HP1BP3: variants seen among roughly 807,000 people sequenced by gnomAD.
HP1BP3 encodes heterochromatin protein 1 binding protein 3, also known as heterochromatin protein 1-binding protein 3.
A neutral mutation model predicts 62.5 loss-of-function variants in HP1BP3; 12 were observed. That is an observed-to-expected ratio of 0.19 (90% CI 0.12 to 0.31). The LOEUF (loss-of-function observed/expected upper bound fraction) is 0.31, where lower values mean the gene tolerates loss of function less well. HP1BP3 is among the 10% of genes least tolerant of loss of function. The pLI is 1.00. For missense variants in HP1BP3, 502 were observed against 651.8 expected (o/e 0.77, Z 2.50); for synonymous variants, 260 against 237.8 (o/e 1.09, Z -0.86).
At chr1:20,771,373 A>G (rs651538) in intron 5 of HP1BP3, among the ~76,000 whole-genome samples, 71,469 of 152,020 alleles carry the variant, frequency 0.47, 17,291 homozygotes, top group African/African-American at 0.54. Flanking sequence ...TTAGAAGATG[A>G]ATCTTTGGCA....
chr1:20,758,964 T>G (rs1301390160), intron 8 of HP1BP3, among the ~76,000 whole-genome samples: 1 of 152,064 alleles, frequency 6.6e-6, no homozygotes, highest in African/African-American at 2.4e-5. Flanking sequence ...GGAGAGAGGT[T>G]TTGGTTGGTC....
chr1:20,757,439 T>C (rs1029419370), intron 8 of HP1BP3, among the ~76,000 whole-genome samples, 183 bp from the exon 9 acceptor site: 5 of 151,660 alleles, frequency 3.3e-5, no homozygotes, highest in Admixed American at 3.3e-4. Context: ...TGGCACGATA[T>C]TGGCTCACTG....
chr1:20,767,381 G>C (rs541525717), intron 7 of HP1BP3, among the ~76,000 whole-genome samples: 6 of 152,256 alleles, frequency 3.9e-5, no homozygotes, highest in Non-Finnish European at 8.8e-5. Flanking sequence ...AAGAGCACAG[G>C]CTTAACCAGG....
At position 20,744,930 on chromosome 1, in the gene HP1BP3, C is replaced by G; in HGVS notation, c.1529G>C (p.Arg510Thr). The G allele has an allele frequency of 6.2e-7, 1 of 1,614,130 alleles. No homozygotes were observed. Among genetic ancestry groups the G allele is most frequent in the Non-Finnish European group, 8.5e-7 (1 of 1,180,028 alleles). Residue 510 changes from arginine (R) to threonine (T), a missense_variant, in exon 13 of 13, where the codon AGA (arginine) becomes ACA (threonine). Arg to Thr is a moderately conservative substitution (Grantham distance 71). Coordinates refer to ENST00000438032, the MANE Select transcript of HP1BP3 (RefSeq NM_001372052.1). ...PKAKTPAKKT[R>T]PSSTVIKKPS... Reference sequence around the variant, plus strand: ...TTTCTTGATGACTGTGGATGAGGGTCTGGTCTTCTTGGCAGGCGTTTTGGC... The same window carrying G: ...TTTCTTGATGACTGTGGATGAGGGTGTGGTCTTCTTGGCAGGCGTTTTGGC...
At chr1:20,780,605 T>C (rs2057499366) in intron 1 of HP1BP3, 65 bp from the exon 2 acceptor site, 1 of 590,262 alleles carries the variant, frequency 1.7e-6, no homozygotes, top group African/African-American at 1.9e-5. Flanking sequence ...AACGTCTAAA[T>C]TTAATACACA....
intron 6 of HP1BP3, among the ~76,000 whole-genome samples, chr1:20,770,006 T>C (rs75097490): frequency 0.034 from 5,167 of 152,278 alleles, 167 homozygotes; most frequent in East Asian, 0.12. Context: ...CGTAAGACCT[T>C]AGCAGTTATT....
At chr1:20,779,020 C>A (rs1458359503) in intron 3 of HP1BP3, among the ~76,000 whole-genome samples, 2 of 152,024 alleles carry the variant, frequency 1.3e-5, no homozygotes, top group African/African-American at 4.8e-5. Context: ...GAACTCCTGA[C>A]CTCAGGTGAT....
At chr1:20,774,694 T>G (rs958045613) in intron 4 of HP1BP3, 1 of 151,930 alleles carries the variant, frequency 6.6e-6, no homozygotes, top group South Asian at 2.1e-4. Context: ...TACAAAAATA[T>G]AGCATATTGG....
intron 9 of HP1BP3, among the ~76,000 whole-genome samples, chr1:20,754,124 A>C (rs1215032082): frequency 6.6e-6 from 1 of 152,240 alleles, no homozygotes; most frequent in East Asian, 1.9e-4. Flanking sequence ...AGGAATTCAC[A>C]AAGAAACTAC....
chr1:20,773,598 C>A lies in HP1BP3; in HGVS notation c.363G>T (p.Gln121His). The A allele has an allele frequency of 6.2e-7, 1 of 1,600,664 alleles. No homozygotes were observed. The highest frequency in any genetic ancestry group is 1.1e-5 in the South Asian group (1 of 89,266). The change falls in exon 5 of 13, where the codon CAG (glutamine) becomes CAT (histidine). Residue 121 changes from glutamine (Q) to histidine (H), a missense_variant. Physicochemically the swap from Gln to His is conservative, Grantham distance 24. Transcript: ENST00000438032. ...TCACTTTCTTCTCCTTTTCTTTAGA[C>A]TGATCTTTCTCACTTTAAAACAAAG... ...SEETKKDEKD[Q>H]SKEKEKKVKK...
At chr1:20,757,810 ACT>A (rs1425718571) in intron 8 of HP1BP3, among the ~76,000 whole-genome samples, 7 of 152,086 alleles carry the variant, frequency 4.6e-5, no homozygotes, top group African/African-American at 9.7e-5. Flanking sequence ...CAAAAAAATC[ACT>A]GTTATCAAAT....
At chr1:20,776,493 A>T (rs2154541273) in intron 4 of HP1BP3, 104 bp downstream of exon 4, 2 of 1,011,732 alleles carry the variant, frequency 2.0e-6, no homozygotes. Context: ...TCCAAATAGC[A>T]AATACCTAGC....
chr1:20,765,973 A>AC lies in HP1BP3; in HGVS notation c.736-443_736-442insG, dbSNP rs1034858147. On this transcript the variant is annotated intron_variant, in intron 7 of 12. Coordinates refer to ENST00000438032, the MANE Select transcript of HP1BP3 (RefSeq NM_001372052.1). ...GAACGAGACTCCGTCTCAAAAAAAA[A>AC]AAAAAACAAAAAAAACACAACAAAA... Among the ~76,000 whole-genome samples, 32 of 151,490 alleles carry AC rather than the reference A, an allele frequency of 2.1e-4. 1 individual carries two copies. The highest frequency in any genetic ancestry group is 2.0e-3 in the Admixed American group (31 of 15,202).
At position 20,747,592 on chromosome 1, in the gene HP1BP3, C is replaced by G; in HGVS notation, c.1205G>C (p.Gly402Ala). The G allele has an allele frequency of 6.2e-7, 1 of 1,613,560 alleles. No homozygotes were observed. The part of the protein sequence containing the change: ...EKNGWMEQIS[G>A]KGFSGTFQLC... ...CTGGAAGGTGCCACTGAACCCTTTCCCAGAGATCTGTTCCATCCACCCATT... is the reference window on the plus strand; with the variant it reads ...CTGGAAGGTGCCACTGAACCCTTTCGCAGAGATCTGTTCCATCCACCCATT... The change falls in exon 11 of 13, where the codon GGG (glycine) becomes GCG (alanine). Residue 402 changes from glycine to alanine, a missense_variant. Physicochemically the swap from Gly to Ala is moderately conservative, Grantham distance 60 (BLOSUM62 0). Around this residue, in one of 5 missense-constraint regions of HP1BP3, gnomAD observed 194 missense variants for 207.0 expected, o/e 0.94. Coordinates refer to ENST00000438032, the MANE Select transcript of HP1BP3 (RefSeq NM_001372052.1).
At chr1:20,767,543 A>C (rs779510716) in intron 7 of HP1BP3, 41 bp downstream of exon 7, 1 of 1,279,730 alleles carries the variant, frequency 7.8e-7, no homozygotes, top group Non-Finnish European at 1.1e-6. Context: ...TAGTAGCAGT[A>C]ACAGCTCCAC....
intron 7 of HP1BP3, among the ~76,000 whole-genome samples, chr1:20,766,804 G>A (rs1485526208): frequency 6.6e-6 from 1 of 152,096 alleles, no homozygotes; most frequent in Non-Finnish European, 1.5e-5. Flanking sequence ...GCTGGGAACG[G>A]TGGCACATGC....
Position 20,767,568 on chromosome 1 carries a change from G to A in HP1BP3, c.735+16C>T, listed in dbSNP as rs1435145347. ...AACAGCTCCACAGCACTCAAACTGT[G>A]GTATAGATGTCTTACCTTTCTGTTT... On this transcript the variant is annotated intron_variant, in intron 7 of 12. Coordinates refer to ENST00000438032, the MANE Select transcript of HP1BP3 (RefSeq NM_001372052.1). The A allele has an allele frequency of 9.7e-6, 15 of 1,540,264 alleles. No homozygotes were observed. The highest frequency in any genetic ancestry group is 2.3e-5 in the South Asian group (2 of 87,998).
chr1:20,747,712 C>T, intron 10 of HP1BP3, 57 bp from the exon 11 acceptor site: 1 of 1,054,336 alleles, frequency 9.5e-7, no homozygotes, highest in South Asian at 1.4e-5. Flanking sequence ...AGATAATTCC[C>T]TCAACCACAA....
intron 11 of HP1BP3, among the ~76,000 whole-genome samples, chr1:20,746,137 C>A (rs2055304862): frequency 6.6e-6 from 1 of 151,526 alleles, no homozygotes; most frequent in South Asian, 2.1e-4. Context: ...TGGTATGAAC[C>A]TTGATTCCTT....
Sources: gnomAD v4.1 joint callset for allele counts (sites outside exome capture counted in the v4.1 genomes callset) on GRCh38, gnomAD v4.1.1 for gene constraint, gnomAD v4.1.1 regional missense constraint, MANE v1.5 for transcripts, NCBI Gene and HGNC (gene_info 2026-07-23, HGNC 2026-07-21) for gene names.